Variants in CDKL5 observed in about 807,000 individuals in gnomAD.
CDKL5 encodes cyclin dependent kinase like 5, also known as cyclin-dependent kinase-like 5.
In CDKL5, 8 loss-of-function variants were observed where a neutral mutation model predicts 61.7. The ratio of observed to expected loss-of-function variants is 0.13; its 90% CI spans 0.08 to 0.23. The LOEUF is 0.23. Among genes scored for constraint, CDKL5 ranks in the 10% least tolerant of loss-of-function variants. The pLI, the probability that CDKL5 is intolerant of heterozygous loss-of-function variation, is 1.00. For missense variants in CDKL5, 440 were observed against 734.5 expected, an observed-to-expected ratio of 0.60 and a Z score of 4.63; for synonymous variants, 275 against 272.3, an observed-to-expected ratio of 1.01 and a Z score of -0.10.
At chrX:18,585,194 GACCAGCCC>G (rs1462674417) in intron 8 of CDKL5, among the ~76,000 whole-genome samples, 1 of 111,114 alleles carries the variant, frequency 9.0e-6, no homozygotes, top group African/African-American at 3.3e-5. Flanking sequence ...AGGAGTTCAA[GACCAGCCC>G]GGGCAACATG....
intron 1 of CDKL5, among the ~76,000 whole-genome samples, chrX:18,462,645 G>A (rs980797499): frequency 1.8e-5 from 2 of 111,867 alleles, no homozygotes; most frequent in Non-Finnish European, 3.8e-5. Flanking sequence ...CTGGGGAACC[G>A]TTAGGGTGAA....
chrX:18,546,255 CTTCT>C (rs1924189703), intron 3 of CDKL5, among the ~76,000 whole-genome samples: 1 of 102,775 alleles, frequency 9.7e-6, no homozygotes, highest in African/African-American at 3.6e-5. Flanking sequence ...TCTTCTACTT[CTTCT>C]TTTTTTTTTT....
Position 18,634,494 on chromosome X carries a change from C to G in CDKL5, c.*5737C>G, listed in dbSNP as rs1927326864. On this transcript the variant is annotated 3_prime_UTR_variant, in exon 18 of 18. Coordinates refer to ENST00000623535, the MANE Select transcript of CDKL5 (RefSeq NM_001323289.2). ...AGTTTCATGGAAAAACAAAACAAAA[C>G]AAAAAAGATGCTTATCGTCCCGGAG... The G allele has an allele frequency of 4.0e-6, 3 of 753,948 alleles. No individual in the cohort carries two copies. The highest frequency in any genetic ancestry group is 4.7e-6 in the Non-Finnish European group (3 of 639,174). 62.1% of individuals were successfully genotyped at this position (753,948 alleles called of 1,213,427 possible).
chrX:18,628,064 C>G (rs1927120714), intron 17 of CDKL5, among the ~76,000 whole-genome samples: 1 of 111,893 alleles, frequency 8.9e-6, no homozygotes, highest in Admixed American at 9.4e-5. Flanking sequence ...TTTCTCCTTC[C>G]TGCTGGTTGA....
intron 3 of CDKL5, among the ~76,000 whole-genome samples, chrX:18,524,215 T>C (rs187629533): frequency 7.1e-5 from 8 of 111,990 alleles, no homozygotes; most frequent in Admixed American, 2.8e-4. Context: ...TGATGTTAGC[T>C]ATGGGTTTTA....
chrX:18,489,219 A>G (rs532323555), intron 1 of CDKL5, among the ~76,000 whole-genome samples: 1 of 110,892 alleles, frequency 9.0e-6, no homozygotes, highest in Non-Finnish European at 1.9e-5. Context: ...CCCAGGTTCA[A>G]GCAATTCTCG....
chrX:18,501,602 G>A lies in CDKL5; in HGVS notation c.-162-5333G>A, dbSNP rs1433675512. Among the ~76,000 whole-genome samples, 3 of 111,049 alleles carry A rather than the reference G, an allele frequency of 2.7e-5. No individual in the cohort carries two copies. In the East Asian group the frequency reaches 8.5e-4, roughly 31 times the overall value. ...CTCGCTCTGTCGCCCAGGCTGGAGTGCAGTAGTAAGATCTCGGTTTACTGC... is the reference window on the plus strand; with the variant it reads ...CTCGCTCTGTCGCCCAGGCTGGAGTACAGTAGTAAGATCTCGGTTTACTGC... On this transcript the variant is annotated intron_variant, in intron 1 of 17. Transcript: ENST00000623535.
At chrX:18,619,398 G>T (rs1926820048) in intron 15 of CDKL5, among the ~76,000 whole-genome samples, 1 of 111,326 alleles carries the variant, frequency 9.0e-6, no homozygotes, top group South Asian at 3.7e-4. Flanking sequence ...CATTCAAGAT[G>T]TTTTTATAGC....
At chrX:18,480,141 C>A (rs1876702919) in intron 1 of CDKL5, among the ~76,000 whole-genome samples, 1 of 111,135 alleles carries the variant, frequency 9.0e-6, no homozygotes, top group South Asian at 3.8e-4. Context: ...GCTCTAGGAT[C>A]TCATGTAGGA....
chrX:18,484,337 G>T (rs1921705845), intron 1 of CDKL5, among the ~76,000 whole-genome samples: 1 of 109,732 alleles, frequency 9.1e-6, no homozygotes. Flanking sequence ...TTGGGGGGGG[G>T]ACAGTCTCGC....
At chrX:18,650,660 A>G in intron 21 of CDKL5, 1 of 1,110,762 alleles carries the variant, frequency 9.0e-7, no homozygotes, top group Non-Finnish European at 1.2e-6. Context: ...GAGGAGCTGT[A>G]GAAATGCAGA....
chrX:18,650,613 G>A (rs148531754), intron 21 of CDKL5: 49 of 1,206,568 alleles, frequency 4.1e-5, no homozygotes, highest in South Asian at 2.1e-4. Context: ...ACTCTAGACC[G>A]GTGGGGCTCA....
intron 3 of CDKL5, among the ~76,000 whole-genome samples, chrX:18,530,971 T>A (rs1923624213): frequency 8.9e-6 from 1 of 112,014 alleles, no homozygotes; most frequent in Admixed American, 9.5e-5. Flanking sequence ...CTCTTTCAGT[T>A]GTAATTCTCT....
At chrX:18,565,804 T>C (rs1420957927) in intron 4 of CDKL5, among the ~76,000 whole-genome samples, 1 of 111,913 alleles carries the variant, frequency 8.9e-6, no homozygotes, top group East Asian at 2.8e-4. Flanking sequence ...AGGTAAAAAG[T>C]GGAAGGTAAA....
chrX:18,502,700 A>G (rs1922430598), intron 1 of CDKL5, among the ~76,000 whole-genome samples: 1 of 111,658 alleles, frequency 9.0e-6, no homozygotes, highest in Admixed American at 9.6e-5. Context: ...GGGCTCTCAC[A>G]TCTGTTCTAT....
chrX:18,505,252 G>A (rs1011665009), intron 1 of CDKL5, among the ~76,000 whole-genome samples: 2 of 110,635 alleles, frequency 1.8e-5, no homozygotes, highest in African/African-American at 6.6e-5. Context: ...TTTTCTCAGT[G>A]GTTTAAGTTG....
intron 1 of CDKL5, among the ~76,000 whole-genome samples, chrX:18,435,417 T>A (rs1008728489): frequency 3.6e-5 from 4 of 112,168 alleles, no homozygotes; most frequent in African/African-American, 6.5e-5. Context: ...ACTTTATCAA[T>A]TATTTATTTC....
intron 7 of CDKL5, among the ~76,000 whole-genome samples, chrX:18,582,947 G>T (rs1461476567): frequency 9.0e-6 from 1 of 111,618 alleles, no homozygotes. Context: ...TTATGATAAG[G>T]AATGATATGT....
At chrX:18,492,756 G>A (rs867186569) in intron 1 of CDKL5, among the ~76,000 whole-genome samples, 8 of 111,860 alleles carry the variant, frequency 7.2e-5, no homozygotes, top group South Asian at 7.5e-4. Flanking sequence ...GGCTGCCATG[G>A]CTTCCTAGCT....
Sources: allele counts gnomAD v4.1 joint callset (sites outside exome capture counted in the v4.1 genomes callset), GRCh38; gene constraint gnomAD v4.1.1; transcripts MANE v1.5; gene names NCBI Gene and HGNC (gene_info 2026-07-23, HGNC 2026-07-21).